CDK19: variants seen among roughly 807,000 people sequenced by gnomAD.
CDK19 encodes cyclin dependent kinase 19.
Under a neutral mutation model 68.3 loss-of-function variants are expected in CDK19, and 20 were observed. The ratio of observed to expected loss-of-function variants is 0.29; its 90% confidence interval spans 0.21 to 0.43. The LOEUF (loss-of-function observed/expected upper bound fraction) is 0.43, where lower values mean the gene tolerates loss of function less well. CDK19 is among the 20% of genes least tolerant of loss of function. The probability of loss-of-function intolerance (pLI) is 1.00; values close to 1 mark genes in which losing one functional copy is unlikely to be tolerated. For synonymous variants in CDK19, 221 were observed against 222.8 expected (o/e 0.99, Z 0.07); for missense variants, 339 against 623.5 (o/e 0.54, Z 4.86).
chr6:110,622,357 T>TA (rs1778774057), intron 10 of CDK19, among the ~76,000 whole-genome samples, 191 bp from the exon 11 acceptor site: 1 of 152,242 alleles, frequency 6.6e-6, no homozygotes, highest in South Asian at 2.1e-4. Context: ...CTAACTTCAT[T>TA]AGCGCCAAAA....
intron 2 of CDK19, among the ~76,000 whole-genome samples, chr6:110,741,464 C>CAAAAT (rs1301201224): frequency 1.8e-4 from 26 of 147,568 alleles, no homozygotes; most frequent in Admixed American, 4.8e-4. Context: ...CTGTCTCAAA[C>CAAAAT]AAAATAAAAT....
intron 2 of CDK19, among the ~76,000 whole-genome samples, chr6:110,743,890 T>C (rs879494675): frequency 1.3e-5 from 2 of 151,602 alleles, no homozygotes; most frequent in Non-Finnish European, 2.9e-5. Context: ...TACTCTAACA[T>C]AGAAAAATAG....
rs1776344096 is a variant in CDK19, at chr6:110,726,770, A to G, written c.204+19356T>C. 2.6e-5 allele frequency among the ~76,000 whole-genome samples: 4 copies of G among 152,192 alleles called. No homozygotes were observed. The South Asian group carries it at 8.3e-4, about 32-fold the overall frequency. ...TCCAGACTTTACAAAGGTGCTGGAA[A>G]AAAGTCCACTGATTGCAGTCATTTT... On this transcript the variant is annotated intron_variant, in intron 2 of 12. Transcript: ENST00000368911.
rs779620300 is a variant in CDK19, at chr6:110,815,153, A to C, written c.-17T>G. On this transcript the variant is annotated 5_prime_UTR_variant, in exon 1 of 13. Transcript: ENST00000368911. ...ATAATCCATTGTCTGCTTCCCCCATAGAGGCACGGGACGCGGGGGCCGCCG... is the reference window on the plus strand; with the variant it reads ...ATAATCCATTGTCTGCTTCCCCCATCGAGGCACGGGACGCGGGGGCCGCCG... 6.4e-7 allele frequency: 1 copy of C among 1,571,970 alleles called. No individual in the cohort carries two copies.
intron 4 of CDK19, among the ~76,000 whole-genome samples, chr6:110,648,953 G>A (rs1238471469): frequency 6.6e-6 from 1 of 151,786 alleles, no homozygotes; most frequent in Non-Finnish European, 1.5e-5. Context: ...TCCTGACCTC[G>A]TGATCCGCTC....
At chr6:110,780,842 C>T (rs1347538231) in intron 1 of CDK19, among the ~76,000 whole-genome samples, 1 of 151,910 alleles carries the variant, frequency 6.6e-6, no homozygotes, top group Non-Finnish European at 1.5e-5. Context: ...GATGAGAAAG[C>T]AGACAGGAGG....
chr6:110,812,458 T>C (rs1308841007), intron 1 of CDK19, among the ~76,000 whole-genome samples: 3 of 152,178 alleles, frequency 2.0e-5, no homozygotes, highest in African/African-American at 7.2e-5. Context: ...AAAACTCAGA[T>C]GTAAATCTTG....
intron 2 of CDK19, among the ~76,000 whole-genome samples, chr6:110,685,540 A>G (rs1392944456): frequency 1.3e-5 from 2 of 152,188 alleles, no homozygotes; most frequent in African/African-American, 4.8e-5. Flanking sequence ...ATACATTTCC[A>G]TTGTCTTGCA....
At chr6:110,646,243 G>A (rs1033749573) in intron 4 of CDK19, 2 of 1,491,922 alleles carry the variant, frequency 1.3e-6, no homozygotes, top group Non-Finnish European at 8.9e-7. Context: ...CTGGCTCTGT[G>A]GCCGTTCCAC....
intron 1 of CDK19, chr6:110,814,497 G>C: frequency 2.4e-6 from 1 of 409,686 alleles, no homozygotes; most frequent in East Asian, 7.7e-5. Flanking sequence ...GGTGCCCAGC[G>C]GGTCAGAGCC....
At chr6:110,773,593 T>G (rs1360818916) in intron 1 of CDK19, among the ~76,000 whole-genome samples, 1 of 152,128 alleles carries the variant, frequency 6.6e-6, no homozygotes, top group Admixed American at 6.6e-5. Flanking sequence ...TAGCATACAT[T>G]ATACTAATGC....
At chr6:110,650,791 T>C (rs1026882433) in intron 4 of CDK19, among the ~76,000 whole-genome samples, 1 of 151,982 alleles carries the variant, frequency 6.6e-6, no homozygotes, top group African/African-American at 2.4e-5. Context: ...CAATAGTAAT[T>C]ATAAAGAGAG....
chr6:110,757,257 A>C (rs1459341924), intron 1 of CDK19, among the ~76,000 whole-genome samples: 1 of 152,132 alleles, frequency 6.6e-6, no homozygotes, highest in Non-Finnish European at 1.5e-5. Context: ...CTTCTTCAGT[A>C]AACACCATCC....
In CDK19 at chr6:110,667,324, T is replaced by C. The variant is rs1782005839; in HGVS notation, c.456+110A>G. 5 of 701,748 alleles carry C rather than the reference T, an allele frequency of 7.1e-6. No homozygotes were observed. In the South Asian group the frequency reaches 1.1e-4, roughly 16 times the overall value. 43.5% of individuals were successfully genotyped at this position (701,748 alleles called of 1,614,324 possible). Reference sequence around the variant, plus strand: ...ATCTTCTTTTTTGCTTATGTATATTTTCAAGTTTTTCTATAATTAATGTTT... The same window carrying C: ...ATCTTCTTTTTTGCTTATGTATATTCTCAAGTTTTTCTATAATTAATGTTT... On this transcript the variant is annotated intron_variant, in intron 4 of 12. Transcript: ENST00000368911.
rs529683234 is a variant in CDK19 at position 110,696,833 on chromosome 6, C to T, written c.205-26292G>A. 3.8e-4 allele frequency among the ~76,000 whole-genome samples: 58 copies of T among 152,044 alleles called. 1 individual carries two copies. The highest frequency in any genetic ancestry group is 1.7e-3 in the East Asian group (9 of 5,166). On this transcript the variant is annotated intron_variant, in intron 2 of 12. Transcript: ENST00000368911. ...GCACTTTGGGAGGCTGAGGGTGGGG[C>T]GGATCACTTGAGGCCGGGAGTTTGA...
At chr6:110,647,105 C>T (rs1329897939) in intron 4 of CDK19, among the ~76,000 whole-genome samples, 2 of 152,120 alleles carry the variant, frequency 1.3e-5, no homozygotes, top group Non-Finnish European at 2.9e-5. Context: ...CCTGCACTCC[C>T]CTCTATCACC....
At chr6:110,727,053 G>GTTTCAATAATATGAACT (rs990568800) in intron 2 of CDK19, among the ~76,000 whole-genome samples, 3 of 152,006 alleles carry the variant, frequency 2.0e-5, no homozygotes, top group Admixed American at 1.3e-4. Context: ...AGAATACTGG[G>GTTTCAATAATATGAACT]TTTCAATAAT....
chr6:110,754,323 G>A (rs1056262839), intron 1 of CDK19, among the ~76,000 whole-genome samples: 2 of 151,800 alleles, frequency 1.3e-5, no homozygotes, highest in African/African-American at 2.4e-5. Context: ...CTGAGACATC[G>A]CACCTGGCCT....
intron 1 of CDK19, among the ~76,000 whole-genome samples, chr6:110,806,805 T>G (rs1355648238): frequency 1.3e-5 from 2 of 151,624 alleles, no homozygotes; most frequent in Non-Finnish European, 2.9e-5. Flanking sequence ...TGGTGAACAC[T>G]GTCTCTACTA....
Sources: allele counts gnomAD v4.1 joint callset (sites outside exome capture counted in the v4.1 genomes callset), GRCh38; gene constraint gnomAD v4.1.1; transcripts MANE v1.5; gene names NCBI Gene and HGNC (gene_info 2026-07-23, HGNC 2026-07-21).